Variants in TEKT5 observed in about 807,000 individuals in gnomAD.
TEKT5 encodes the protein tektin 5, also known as tektin-5.
A neutral mutation model predicts 48.7 loss-of-function variants in TEKT5; 52 were observed. That is an observed-to-expected ratio of 1.07 (90% CI 0.86 to 1.35). TEKT5 has a LOEUF of 1.35. Ranked by LOEUF, TEKT5 falls within the 40% of genes most tolerant of loss-of-function variation. The pLI, the probability that TEKT5 is intolerant of heterozygous loss-of-function variation, is 0.00. For synonymous variants in TEKT5, 318 were observed against 267.6 expected (o/e 1.19, Z -1.84); for missense variants, 831 against 641.6 (o/e 1.30, Z -3.19).
chr16:10,681,129 C>T (rs911320137), intron 4 of TEKT5, among the ~76,000 whole-genome samples: 13 of 151,090 alleles, frequency 8.6e-5, no homozygotes, highest in South Asian at 4.2e-4. Flanking sequence ...GCTGCTGTGA[C>T]GAGAAAATGA....
chr16:10,690,816 A>G (rs1432447008), intron 1 of TEKT5: 1 of 981,872 alleles, frequency 1.0e-6, no homozygotes, highest in Non-Finnish European at 1.2e-6. Context: ...GTGATGTCAC[A>G]AAGGGCCCAG....
At chr16:10,681,088 A>G (rs143128414) in intron 4 of TEKT5, among the ~76,000 whole-genome samples, 4 of 151,404 alleles carry the variant, frequency 2.6e-5, no homozygotes, top group African/African-American at 9.7e-5. Context: ...GCCCACGATC[A>G]TGACAGGCTC....
At chr16:10,684,538 C>T (rs1023383646) in intron 3 of TEKT5, among the ~76,000 whole-genome samples, 2 of 152,126 alleles carry the variant, frequency 1.3e-5, no homozygotes, top group African/African-American at 4.8e-5. Context: ...GGAGGAACCC[C>T]AGTCCCGGGG....
chr16:10,650,514 C>CA (rs1375139355), intron 5 of TEKT5, among the ~76,000 whole-genome samples: 1 of 151,958 alleles, frequency 6.6e-6, no homozygotes, highest in African/African-American at 2.4e-5. Flanking sequence ...TGCACTCTGC[C>CA]AAAAAACATG....
chr16:10,690,714 G>A (rs897884054), intron 1 of TEKT5: 2 of 985,284 alleles, frequency 2.0e-6, no homozygotes. Flanking sequence ...ATGCAGACCT[G>A]GGCAGAGCAG....
chr16:10,666,539 T>C (rs1035910796), intron 5 of TEKT5, among the ~76,000 whole-genome samples: 1 of 152,206 alleles, frequency 6.6e-6, no homozygotes, highest in Non-Finnish European at 1.5e-5. Flanking sequence ...ACATTTCAAG[T>C]GTCCTCTGGG....
Position 10,637,875 on chromosome 16 carries a change from A to G in TEKT5, c.1087-1957T>C, listed in dbSNP as rs150115438. Among the ~76,000 whole-genome samples the G allele has an allele frequency of 1.1e-3, 175 of 152,308 alleles. 1 individual carries two copies. Among genetic ancestry groups the G allele is most frequent in the African/African-American group, 4.1e-3 (172 of 41,566 alleles). On this transcript the variant is annotated intron_variant, in intron 5 of 6. Coordinates refer to ENST00000283025, the MANE Select transcript of TEKT5 (RefSeq NM_144674.2). ...ACTCAGGCTGGAGTGCAGTTGCGCAATCGCAGCTTACCACAGCCTCGACCT... is the reference window on the plus strand; with the variant it reads ...ACTCAGGCTGGAGTGCAGTTGCGCAGTCGCAGCTTACCACAGCCTCGACCT...
In TEKT5 at chr16:10,694,298, C is replaced by A; in HGVS notation, c.564+12G>T. The A allele has an allele frequency of 1.9e-6, 3 of 1,576,734 alleles. No individual in the cohort carries two copies. The highest frequency in any genetic ancestry group is 2.2e-5 in the East Asian group (1 of 44,596). On this transcript the variant is annotated intron_variant, in intron 1 of 6. Coordinates refer to ENST00000283025, the MANE Select transcript of TEKT5 (RefSeq NM_144674.2). ...GACACAGCCACAGCCCTGTCCCCACCCCTGTACTCACCTGCAATGGGCAGT... is the reference window on the plus strand; with the variant it reads ...GACACAGCCACAGCCCTGTCCCCACACCTGTACTCACCTGCAATGGGCAGT...
intron 1 of TEKT5, chr16:10,692,909 C>G (rs144558097): frequency 1.3e-5 from 2 of 152,334 alleles, no homozygotes; most frequent in Non-Finnish European, 2.9e-5. Context: ...CTGGAGCCGC[C>G]TGATCTGTCT....
intron 5 of TEKT5, among the ~76,000 whole-genome samples, chr16:10,664,507 T>C (rs1898426752): frequency 6.6e-6 from 1 of 152,214 alleles, no homozygotes; most frequent in Non-Finnish European, 1.5e-5. Context: ...GACCTAACTT[T>C]TGGTCCTCAG....
intron 5 of TEKT5, among the ~76,000 whole-genome samples, chr16:10,636,509 G>A (rs1288353886): frequency 2.6e-5 from 4 of 152,084 alleles, no homozygotes; most frequent in Non-Finnish European, 5.9e-5. Context: ...CATTAGAGTT[G>A]CCAATCAGTG....
At chr16:10,685,535 G>A (rs953797527) in intron 3 of TEKT5, among the ~76,000 whole-genome samples, 4 of 152,080 alleles carry the variant, frequency 2.6e-5, no homozygotes, top group African/African-American at 9.7e-5. Flanking sequence ...GACCGCAAGT[G>A]ATCCACCCAC....
chr16:10,666,772 C>A (rs1342582463), intron 5 of TEKT5, among the ~76,000 whole-genome samples: 1 of 152,114 alleles, frequency 6.6e-6, no homozygotes, highest in East Asian at 1.9e-4. Flanking sequence ...TCAAAAGTGC[C>A]CTTGCAACCT....
chr16:10,663,484 A>G (rs2111219), intron 5 of TEKT5, among the ~76,000 whole-genome samples: 71,636 of 152,056 alleles, frequency 0.47, 18,502 homozygotes, highest in East Asian at 0.81. Flanking sequence ...CTCAGGAAAG[A>G]GGAAGGCAGC....
rs746437369 is a variant in TEKT5, at chr16:10,635,817, C to T, written c.1188G>A (p.Glu396=). The T allele has an allele frequency of 1.2e-5, 19 of 1,614,092 alleles. No homozygotes were observed. In the African/African-American group the frequency reaches 1.2e-4, roughly 10 times the overall value. The change falls in exon 6 of 7, where the codon GAG becomes GAA. Residue 396 remains glutamate, a synonymous_variant. Transcript: ENST00000283025. ...CCATGTTGGGGCGCCGGGTCCGGCA[C>T]TCCAGCCTTGTCTGGGCCACCTTCA... The part of the protein sequence containing the change: ...GPLKVAQTRL[E]CRTRRPNMEL...
rs778299095 is a variant in TEKT5, at chr16:10,681,993, G to A, written c.863C>T (p.Thr288Met). 31 of 1,613,660 alleles carry A rather than the reference G, an allele frequency of 1.9e-5. No homozygotes were observed. The highest frequency in any genetic ancestry group is 3.3e-4 in the Middle Eastern group (2 of 6,082). Reference sequence around the variant, plus strand: ...TGGGGAGGGGGAGTCTGATACTTACGTGCCGTCAATTTTCTCCATGCCGTG... The same window carrying A: ...TGGGGAGGGGGAGTCTGATACTTACATGCCGTCAATTTTCTCCATGCCGTG... ...FFHGMEKIDG[T>M]ISVPETWAKF... The change falls in exon 4 of 7, where the codon ACG (threonine) becomes ATG (methionine). Residue 288 changes from threonine to methionine, a missense_variant and splice_region_variant. By Grantham distance (81) the Thr-to-Met change is moderately conservative (BLOSUM62 -1). Coordinates refer to ENST00000283025, the MANE Select transcript of TEKT5 (RefSeq NM_144674.2).
Position 10,676,114 on chromosome 16 carries a change from C to A in TEKT5, c.931G>T (p.Ala311Ser). Residue 311 changes from alanine to serine, a missense_variant, in exon 5 of 7, where the codon GCC becomes TCC. By Grantham distance (99) the Ala-to-Ser change is moderately conservative. Coordinates refer to ENST00000283025, the MANE Select transcript of TEKT5 (RefSeq NM_144674.2). ...TCCTCCCGCAGCTGGATGGAGTTGG[C>A]CCGCATGTTCTGAGAGTGTTTGATG... ...DNIKHSQNMR[A>S]NSIQLREEAE... The A allele has an allele frequency of 6.2e-7, 1 of 1,614,194 alleles. No individual in the cohort carries two copies. The highest frequency in any genetic ancestry group is 8.5e-7 in the Non-Finnish European group (1 of 1,180,034).
intron 5 of TEKT5, among the ~76,000 whole-genome samples, chr16:10,648,217 G>A (rs1292939105): frequency 1.3e-5 from 2 of 152,206 alleles, no homozygotes; most frequent in East Asian, 1.9e-4. Context: ...TTTACTCCAG[G>A]CCAGGTCCTG....
intron 3 of TEKT5, among the ~76,000 whole-genome samples, chr16:10,684,386 C>T (rs1265443322): frequency 6.6e-6 from 1 of 151,418 alleles, no homozygotes; most frequent in Non-Finnish European, 1.5e-5. Flanking sequence ...CTCCCTCCCT[C>T]CCCTCCATCT....
Sources: allele counts gnomAD v4.1 joint callset (sites outside exome capture counted in the v4.1 genomes callset), GRCh38; gene constraint gnomAD v4.1.1; transcripts MANE v1.5; gene names NCBI Gene and HGNC (gene_info 2026-07-23, HGNC 2026-07-21).